The following UBXN1 variants were observed in gnomAD, a reference collection of about 807,000 sequenced individuals.
UBXN1 encodes the protein UBX domain protein 1, also known as UBX domain-containing protein 1.
UBXN1 carries 21 observed loss-of-function variants against 42.0 expected under a neutral mutation model. The observed-to-expected ratio is 0.50, with a 90% confidence interval of 0.35 to 0.72. The LOEUF (loss-of-function observed/expected upper bound fraction) is 0.72. Ranked by LOEUF, UBXN1 falls within the 30% of genes least tolerant of loss-of-function variation. The pLI is 0.00. For synonymous variants in UBXN1, 172 were observed against 142.6 expected, an observed-to-expected ratio of 1.21 and a Z score of -1.47; for missense variants, 374 against 382.2, an observed-to-expected ratio of 0.98 and a Z score of 0.18.
rs950184710 is a variant in UBXN1, at chr11:62,678,996, C to T, written c.-73G>A. The T allele has an allele frequency of 9.3e-6, 14 of 1,497,740 alleles. No individual in the cohort carries two copies. The South Asian group carries it at 9.8e-5, about 11-fold the overall frequency. The allele number at this position is 1,497,740 out of a possible 1,614,324, so 92.8% of individuals were successfully genotyped here. ...GAGGGCGGGAAGGGTCAGCGCGAGGCAACCCGCCCTCGACACCCGCCGACG... is the reference window on the plus strand; with the variant it reads ...GAGGGCGGGAAGGGTCAGCGCGAGGTAACCCGCCCTCGACACCCGCCGACG... On this transcript the variant is annotated 5_prime_UTR_variant, in exon 1 of 9. Coordinates refer to ENST00000301935, the MANE Select transcript of UBXN1 (RefSeq NM_001286077.2).
Position 62,678,821 on chromosome 11 carries a change from G to C in UBXN1, c.59+44C>G, listed in dbSNP as rs201136792. 4.3e-6 allele frequency: 7 copies of C among 1,609,392 alleles called. No homozygotes were observed. The African/African-American group carries it at 5.3e-5, about 12-fold the overall frequency. On this transcript the variant is annotated intron_variant, in intron 1 of 8. Coordinates refer to ENST00000301935, the MANE Select transcript of UBXN1 (RefSeq NM_001286077.2). ...CTGGGGCAAAGGCCGAGACAGGTCC[G>C]CGACCCCCCACACCCGCAGGCCGGG...
At position 62,678,745 on chromosome 11, in the gene UBXN1, TG is replaced by T. The variant is rs774847087; in HGVS notation, c.60-3del. Reference sequence around the variant, plus strand: ...CCTGTGAGGGCCAGAGCCTTCTCCCTGGGGGCAGAAACACCATGAATAGCGC... The same window carrying T: ...CCTGTGAGGGCCAGAGCCTTCTCCCTGGGGCAGAAACACCATGAATAGCGC... On this transcript the variant is annotated splice_region_variant and splice_polypyrimidine_tract_variant and intron_variant, in intron 1 of 8. Transcript: ENST00000301935. 1 of 1,608,366 alleles carries T rather than the reference TG, an allele frequency of 6.2e-7. No homozygotes were observed. Among genetic ancestry groups the T allele is most frequent in the East Asian group, 2.2e-5 (1 of 44,542 alleles).
rs560086497 is a variant in UBXN1, at chr11:62,677,723, G to A, written c.534+58C>T. 1.1e-5 allele frequency: 17 copies of A among 1,613,670 alleles called. No individual in the cohort carries two copies. The East Asian group carries it at 1.8e-4, about 17-fold the overall frequency. On this transcript the variant is annotated intron_variant, in intron 6 of 8. Coordinates refer to ENST00000301935, the MANE Select transcript of UBXN1 (RefSeq NM_001286077.2). ...AAGCCCATGCTTTCCCTCTGAAGCT[G>A]GAAAAGATTTACTAACCTGCCCACT...
At position 62,678,100 on chromosome 11, in the gene UBXN1, G is replaced by A. The variant is rs200497942; in HGVS notation, c.309C>T (p.Ala103=). The change falls in exon 5 of 9, where the codon GCC becomes GCT. Residue 103 remains alanine (A), a synonymous_variant. Coordinates refer to ENST00000301935, the MANE Select transcript of UBXN1 (RefSeq NM_001286077.2). ...EQTKRMLELV[A]QKQREREERE... ...TTTCTTCACGCTCCCGCTGCTTCTG[G>A]GCCACCAGCTCCAACATCCTGTGTT... 2 of 1,614,028 alleles carry A rather than the reference G, an allele frequency of 1.2e-6. No homozygotes were observed. The highest frequency in any genetic ancestry group is 1.7e-6 in the Non-Finnish European group (2 of 1,180,006).
intron 7 of UBXN1, 116 bp downstream of exon 7, chr11:62,677,402 T>C (rs1237200680): frequency 9.5e-7 from 1 of 1,048,676 alleles, no homozygotes; most frequent in Non-Finnish European, 1.5e-6. Flanking sequence ...CAAAAGTCAT[T>C]TACAAAGAAG....
In UBXN1 at chr11:62,677,787, G is replaced by A; in HGVS notation, c.528C>T (p.Ala176=). ...EKIERDKAER[A]KKYGGSVGSQ... Reference sequence around the variant, plus strand: ...CGTCTTCTCAGTCACCTACCTTCTTGGCTCTCTCTGCTTTGTCCCTCTCGA... The same window carrying A: ...CGTCTTCTCAGTCACCTACCTTCTTAGCTCTCTCTGCTTTGTCCCTCTCGA... Residue 176 remains alanine, a synonymous_variant, in exon 6 of 9, where the codon GCC becomes GCT. Coordinates refer to ENST00000301935, the MANE Select transcript of UBXN1 (RefSeq NM_001286077.2). 6.2e-7 allele frequency: 1 copy of A among 1,614,138 alleles called. No homozygotes were observed. The highest frequency in any genetic ancestry group is 2.2e-5 in the East Asian group (1 of 44,886).
intron 4 of UBXN1, 84 bp downstream of exon 4, chr11:62,678,255 G>A (rs1178274093): frequency 5.6e-6 from 9 of 1,606,780 alleles, no homozygotes; most frequent in African/African-American, 1.3e-5. Flanking sequence ...AGGAAATGTG[G>A]AAAGGTCAAG....
At position 62,676,622 on chromosome 11, in the gene UBXN1, C is replaced by T; in HGVS notation, c.862G>A (p.Val288Ile). 1 of 1,613,206 alleles carries T rather than the reference C, an allele frequency of 6.2e-7. No individual in the cohort carries two copies. The highest frequency in any genetic ancestry group is 1.1e-5 in the South Asian group (1 of 91,024). Reference sequence around the variant, plus strand: ...GGACATTTCTTGGCCACAATGAGAACAGCAGAAGGCACGAGTCCTGAAGAT... The same window carrying T: ...GGACATTTCTTGGCCACAATGAGAATAGCAGAAGGCACGAGTCCTGAAGAT... ...LQELGLVPSA[V>I]LIVAKKCPS Residue 288 changes from valine to isoleucine, a missense_variant, in exon 9 of 9, where the codon GTT becomes ATT. Coordinates refer to ENST00000301935, the MANE Select transcript of UBXN1 (RefSeq NM_001286077.2).
intron 2 of UBXN1, 42 bp from the exon 3 acceptor site, chr11:62,678,643 C>T: frequency 1.3e-6 from 2 of 1,589,992 alleles, no homozygotes; most frequent in Non-Finnish European, 8.6e-7. Flanking sequence ...TTGAGGCTGC[C>T]CCTCCCGCCA....
intron 4 of UBXN1, 47 bp downstream of exon 4, chr11:62,678,290 GGA>G: frequency 6.2e-7 from 1 of 1,612,490 alleles, no homozygotes; most frequent in Non-Finnish European, 8.5e-7. Context: ...CGTGTACTGG[GGA>G]GAGATGGAAG....
Position 62,676,984 on chromosome 11 carries a change from A to G in UBXN1, c.673T>C (p.Ser225Pro). The G allele has an allele frequency of 2.5e-6, 4 of 1,610,680 alleles. No individual in the cohort carries two copies. The highest frequency in any genetic ancestry group is 3.4e-6 in the Non-Finnish European group (4 of 1,179,798). The part of the protein sequence containing the change: ...RIQVRLPDGT[S>P]LTQTFRAREQ... ...CGGGCCCGGAACGTCTGGGTCAGTGAGGTCCCATCTGGCAGCCTGACCTAA... is the reference window on the plus strand; with the variant it reads ...CGGGCCCGGAACGTCTGGGTCAGTGGGGTCCCATCTGGCAGCCTGACCTAA... Residue 225 changes from serine (S) to proline (P), a missense_variant, in exon 8 of 9, where the codon TCA (serine) becomes CCA (proline). Physicochemically the swap from Ser to Pro is moderately conservative, Grantham distance 74 (BLOSUM62 -1). Transcript: ENST00000301935.
In UBXN1 at chr11:62,678,994, G is replaced by C; in HGVS notation, c.-71C>G. The C allele has an allele frequency of 4.7e-6, 7 of 1,504,162 alleles. No homozygotes were observed. The South Asian group carries it at 7.3e-5, about 16-fold the overall frequency. The allele number at this position is 1,504,162 out of a possible 1,614,324, so 93.2% of individuals were successfully genotyped here. A position where few individuals can be genotyped will look rare whatever the true frequency, so the allele number is the denominator to read the frequency against. On this transcript the variant is annotated 5_prime_UTR_variant, in exon 1 of 9. Transcript: ENST00000301935. ...AGGAGGGCGGGAAGGGTCAGCGCGA[G>C]GCAACCCGCCCTCGACACCCGCCGA...
rs371951393 is a variant in UBXN1 at position 62,678,057 on chromosome 11, A to G, written c.352T>C (p.Leu118=). The change falls in exon 5 of 9, where the codon TTG becomes CTG. Residue 118 remains leucine, a synonymous_variant. Transcript: ENST00000301935. ...CTCCTGCGCTGCCGTTCCCGTTCCA[A>G]TGCCTCCCGTTCCTCTCTTTCTTCA... ...EREEREEREA[L]ERERQRRRQG... The G allele has an allele frequency of 3.7e-6, 6 of 1,613,908 alleles. No individual in the cohort carries two copies. The highest frequency in any genetic ancestry group is 2.2e-5 in the South Asian group (2 of 91,048).
Position 62,678,873 on chromosome 11 carries a change from C to T in UBXN1, c.51G>A (p.Arg17=), listed in dbSNP as rs1456556947. 1 of 1,604,480 alleles carries T rather than the reference C, an allele frequency of 6.2e-7. No individual in the cohort carries two copies. Among genetic ancestry groups the T allele is most frequent in the Admixed American group, 1.7e-5 (1 of 59,184 alleles). ...LESLIEMGFP[R]GRAEKALALT... ...TTGGGGAACTCCCTTACGCGCGTCC[C>T]CTGGGGAAGCCCATCTCGATGAGAC... The change falls in exon 1 of 9, where the codon AGG becomes AGA. Residue 17 remains arginine, a synonymous_variant. Transcript: ENST00000301935.
chr11:62,678,868 C>A lies in UBXN1; in HGVS notation c.56G>T (p.Arg19Leu). The A allele has an allele frequency of 6.2e-7, 1 of 1,605,186 alleles. No homozygotes were observed. Among genetic ancestry groups the A allele is most frequent in the East Asian group, 2.2e-5 (1 of 44,554 alleles). The change falls in exon 1 of 9, where the codon CGC becomes CTC. Residue 19 changes from arginine to leucine, a missense_variant. Transcript: ENST00000301935. ...CGGGGTTGGGGAACTCCCTTACGCG[C>A]GTCCCCTGGGGAAGCCCATCTCGAT... ...SLIEMGFPRGRAEKALALTGN... is the reference protein window; with the variant it reads ...SLIEMGFPRGLAEKALALTGN...
intron 4 of UBXN1, 36 bp downstream of exon 4, chr11:62,678,303 A>G (rs1015956881): frequency 6.2e-7 from 1 of 1,613,690 alleles, no homozygotes; most frequent in Non-Finnish European, 8.5e-7. Context: ...GAGATGGAAG[A>G]CGACCCTCAG....
At position 62,676,941 on chromosome 11, in the gene UBXN1, A is replaced by T; in HGVS notation, c.716T>A (p.Val239Glu). 6.2e-7 allele frequency: 1 copy of T among 1,613,294 alleles called. No individual in the cohort carries two copies. Among genetic ancestry groups the T allele is most frequent in the Non-Finnish European group, 8.5e-7 (1 of 1,180,030 alleles). ...ACGGTGGAGCTCCACATAGAGCCTC[A>T]CAGCTGCCAGCTGTTCCCGGGCCCG... ...TFRAREQLAA[V>E]RLYVELHRGE... The change falls in exon 8 of 9, where the codon GTG becomes GAG. Residue 239 changes from valine (V) to glutamate (E), a missense_variant. Physicochemically the swap from Val to Glu is moderately radical, Grantham distance 121 (BLOSUM62 -2). Coordinates refer to ENST00000301935, the MANE Select transcript of UBXN1 (RefSeq NM_001286077.2).
chr11:62,678,820 C>T, intron 1 of UBXN1, 45 bp downstream of exon 1: 5 of 1,609,550 alleles, frequency 3.1e-6, no homozygotes, highest in South Asian at 2.2e-5. Context: ...GAGACAGGTC[C>T]GCGACCCCCC....
rs760255478 is a variant in UBXN1, at chr11:62,678,875, T to C, written c.49A>G (p.Arg17Gly). The part of the protein sequence containing the change: ...LESLIEMGFP[R>G]GRAEKALALT... ...GGGGAACTCCCTTACGCGCGTCCCC[T>C]GGGGAAGCCCATCTCGATGAGACTC... Residue 17 changes from arginine to glycine, a missense_variant, in exon 1 of 9, where the codon AGG (arginine) becomes GGG (glycine). Coordinates refer to ENST00000301935, the MANE Select transcript of UBXN1 (RefSeq NM_001286077.2). 2.5e-6 allele frequency: 4 copies of C among 1,604,276 alleles called. No homozygotes were observed. The highest frequency in any genetic ancestry group is 2.7e-5 in the African/African-American group (2 of 74,736).
Sources: allele counts gnomAD v4.1 joint callset, GRCh38; gene constraint gnomAD v4.1.1; transcripts MANE v1.5; gene names NCBI Gene and HGNC (gene_info 2026-07-23, HGNC 2026-07-21).